Variants in HIVEP3 observed in about 807,000 individuals in gnomAD.
HIVEP3 encodes the protein transcription factor HIVEP3.
In HIVEP3, 49 loss-of-function variants were observed where a neutral mutation model predicts 152.8. The observed-to-expected ratio is 0.32, with a 90% CI of 0.26 to 0.41. HIVEP3 has a LOEUF of 0.41. Ranked by LOEUF, HIVEP3 falls within the 10% of genes least tolerant of loss-of-function variation. The pLI, the probability that HIVEP3 is intolerant of heterozygous loss-of-function variation, is 1.00. For synonymous variants in HIVEP3, 1,269 were observed against 1,289.0 expected (o/e 0.98, Z 0.33); for missense variants, 2,790 against 3,103.3 (o/e 0.90, Z 2.40).
At chr1:41,804,355 C>T (rs78824564) in intron 1 of HIVEP3, among the ~76,000 whole-genome samples, 1,585 of 152,262 alleles carry the variant, frequency 0.01, 26 homozygotes, top group African/African-American at 0.036. Context: ...GCTAAAAGCC[C>T]GCCCTCTGCC....
chr1:41,822,204 C>T (rs1642626644), intron 1 of HIVEP3, among the ~76,000 whole-genome samples: 2 of 152,132 alleles, frequency 1.3e-5, no homozygotes, highest in East Asian at 3.9e-4. Context: ...TCCTCCAGGG[C>T]CTCTCTCCCT....
chr1:41,524,607 A>T, intron 6 of HIVEP3, 128 bp downstream of exon 6: 1 of 860,194 alleles, frequency 1.2e-6, no homozygotes, highest in East Asian at 2.4e-5. Context: ...GCTGGGTGGG[A>T]ACCCAGGAAA....
chr1:41,511,323 A>G lies in HIVEP3; in HGVS notation c.6406-57T>C. ...AAGGTTACATGCTGGGCACATGGGGAGCCGAGGCCTGGAAGTGGGAGGGGG... is the reference window on the plus strand; with the variant it reads ...AAGGTTACATGCTGGGCACATGGGGGGCCGAGGCCTGGAAGTGGGAGGGGG... On this transcript the variant is annotated intron_variant, in intron 8 of 8. Coordinates refer to ENST00000372583, the MANE Select transcript of HIVEP3 (RefSeq NM_024503.5). The surrounding 1 kb of genome is among the most constrained non-coding windows in gnomAD (Gnocchi z 4.9). The G allele has an allele frequency of 7.0e-7, 1 of 1,427,528 alleles. No homozygotes were observed. Among genetic ancestry groups the G allele is most frequent in the Middle Eastern group, 2.5e-4 (1 of 3,936 alleles). 88.4% of individuals were successfully genotyped at this position (1,427,528 alleles called of 1,614,324 possible).
intron 2 of HIVEP3, among the ~76,000 whole-genome samples, chr1:41,665,508 T>C (rs115236688): frequency 0.011 from 1,604 of 151,808 alleles, 25 homozygotes; most frequent in African/African-American, 0.036. Context: ...CCTGTGTTCA[T>C]GGATGGAGAC....
chr1:41,999,152 C>A (rs557604800), intron 1 of HIVEP3, among the ~76,000 whole-genome samples: 15 of 152,030 alleles, frequency 9.9e-5, no homozygotes, highest in Admixed American at 2.0e-4. Flanking sequence ...CCTCAGCCTC[C>A]CAAAGTGCTG....
chr1:41,834,565 G>A (rs1643067132), intron 1 of HIVEP3, among the ~76,000 whole-genome samples: 1 of 152,170 alleles, frequency 6.6e-6, no homozygotes, highest in South Asian at 2.1e-4. Flanking sequence ...ATAAGACAGC[G>A]ATGTGGTGGT....
Position 41,511,000 on chromosome 1 carries a change from G to A in HIVEP3, c.6672C>T (p.Gly2224=). 1.2e-6 allele frequency: 2 copies of A among 1,613,566 alleles called. No homozygotes were observed. The highest frequency in any genetic ancestry group is 1.7e-6 in the Non-Finnish European group (2 of 1,179,770). Residue 2224 remains glycine (G), a synonymous_variant, in exon 9 of 9, where the codon GGC becomes GGT. Transcript: ENST00000372583. ...TCAGGTCGCTGCCACCCCCGGAGAA[G>A]CCACTGACCCAGGCTGCGGTGGGCC... The part of the protein sequence containing the change: ...LPGPTAAWVS[G]FSGGGSDLTG...
intron 1 of HIVEP3, among the ~76,000 whole-genome samples, chr1:41,703,421 C>A (rs1371042751): frequency 6.6e-6 from 1 of 152,192 alleles, no homozygotes; most frequent in Non-Finnish European, 1.5e-5. Flanking sequence ...ACTCTGATCC[C>A]AGACTGCATG....
Position 41,787,432 on chromosome 1 carries a change from C to G in HIVEP3, c.-800-86437G>C, listed in dbSNP as rs182495185. On this transcript the variant is annotated intron_variant, in intron 1 of 8. Transcript: ENST00000372583. ...GGACAATGCCGATCTGGGCATACCC[C>G]CTCCCTACGTATACTTACGCCCCTT... is the stretch of plus-strand genomic sequence containing the variant. 5.3e-3 allele frequency among the ~76,000 whole-genome samples: 803 copies of G among 152,278 alleles called. 5 individuals are homozygous for G. Among genetic ancestry groups the G allele is most frequent in the Non-Finnish European group, 6.1e-3 (417 of 68,016 alleles).
At chr1:42,009,580 A>AT in intron 1 of HIVEP3, among the ~76,000 whole-genome samples, 1 of 152,288 alleles carries the variant, frequency 6.6e-6, no homozygotes, top group South Asian at 2.1e-4. Context: ...TAGAATTCAA[A>AT]TTGCTCTATA....
chr1:41,575,665 G>A lies in HIVEP3; in HGVS notation c.5086C>T (p.Pro1696Ser), dbSNP rs1644317357. The A allele has an allele frequency of 6.2e-7, 1 of 1,613,964 alleles. No homozygotes were observed. The highest frequency in any genetic ancestry group is 2.2e-5 in the East Asian group (1 of 44,894). The change falls in exon 5 of 9, where the codon CCG becomes TCG. Residue 1696 changes from proline to serine, a missense_variant. Coordinates refer to ENST00000372583, the MANE Select transcript of HIVEP3 (RefSeq NM_024503.5). ...CTAGCTAGATCTTTCTGGCCTTCCG[G>A]GGAAACCAGTGAAGGGAGGTGAACC... is the stretch of plus-strand genomic sequence containing the variant. Reference protein sequence around the residue: ...TEVHLPSLVSPEGQKDLARVE... With the variant: ...TEVHLPSLVSSEGQKDLARVE...
chr1:41,670,182 C>A (rs547000216), intron 2 of HIVEP3, among the ~76,000 whole-genome samples: 2 of 152,104 alleles, frequency 1.3e-5, no homozygotes, highest in Non-Finnish European at 2.9e-5. Context: ...TTTGGGTAGC[C>A]CTTTATGGTT....
intron 1 of HIVEP3, among the ~76,000 whole-genome samples, chr1:42,005,395 T>C (rs1171812152): frequency 6.6e-6 from 1 of 152,076 alleles, no homozygotes. Context: ...CACACATGTG[T>C]ATATATATAC....
At chr1:41,572,529 A>G (rs1644265810) in intron 5 of HIVEP3, among the ~76,000 whole-genome samples, 1 of 152,058 alleles carries the variant, frequency 6.6e-6, no homozygotes, top group Non-Finnish European at 1.5e-5. Context: ...GGCCATCCCC[A>G]CCTTAGCAGT....
intron 1 of HIVEP3, among the ~76,000 whole-genome samples, chr1:41,977,784 C>T (rs984665586): frequency 6.6e-6 from 1 of 152,216 alleles, no homozygotes; most frequent in African/African-American, 2.4e-5. Flanking sequence ...GACTGGCCTG[C>T]TGTGTGTGTC....
chr1:41,973,370 C>T (rs1033204190), intron 1 of HIVEP3, among the ~76,000 whole-genome samples: 1 of 152,300 alleles, frequency 6.6e-6, no homozygotes, highest in South Asian at 2.1e-4. Flanking sequence ...CTGCTAGAGC[C>T]GCAGTCATCT....
chr1:41,816,660 CAG>C (rs1651286645), intron 1 of HIVEP3, among the ~76,000 whole-genome samples: 2 of 152,224 alleles, frequency 1.3e-5, no homozygotes, highest in Non-Finnish European at 2.9e-5. Flanking sequence ...GCCTGGGCAA[CAG>C]AAGGAGACTT....
chr1:41,900,744 G>C (rs1349404251), intron 1 of HIVEP3, among the ~76,000 whole-genome samples: 1 of 152,012 alleles, frequency 6.6e-6, no homozygotes, highest in Non-Finnish European at 1.5e-5. Flanking sequence ...AAGCTTCCCA[G>C]GAAAAAGGAA....
intron 3 of HIVEP3, among the ~76,000 whole-genome samples, chr1:41,603,333 G>A (rs184278404): frequency 3.9e-5 from 6 of 152,024 alleles, no homozygotes; most frequent in African/African-American, 7.2e-5. Flanking sequence ...CTCCCAAAGC[G>A]CTGGGATTAC....
Sources: allele counts gnomAD v4.1 joint callset (sites outside exome capture counted in the v4.1 genomes callset), GRCh38; gene constraint gnomAD v4.1.1; non-coding constraint Gnocchi (gnomAD v3.1); transcripts MANE v1.5; gene names NCBI Gene and HGNC (gene_info 2026-07-23, HGNC 2026-07-21).